Variants in NELL1 observed in about 807,000 individuals in gnomAD.
The protein encoded by NELL1 is protein kinase C-binding protein NELL1.
In NELL1, 76 loss-of-function variants were observed where a neutral mutation model predicts 107.4. That is an observed-to-expected ratio of 0.71 (90% confidence interval 0.59 to 0.86). The LOEUF (loss-of-function observed/expected upper bound fraction) is 0.86, where lower values mean the gene tolerates loss of function less well. Ranked by LOEUF, NELL1 falls within the 40% of genes least tolerant of loss-of-function variation. The pLI is 0.00. For synonymous variants in NELL1, 353 were observed against 341.2 expected (o/e 1.03, Z -0.38); for missense variants, 1,024 against 1,005.5 (o/e 1.02, Z -0.25).
intron 4 of NELL1, among the ~76,000 whole-genome samples, chr11:20,864,446 G>A (rs538730775): frequency 2.0e-5 from 3 of 152,230 alleles, no homozygotes; most frequent in Admixed American, 6.5e-5. Flanking sequence ...TCCTTTGACC[G>A]ACATCTCCTT....
intron 13 of NELL1, among the ~76,000 whole-genome samples, chr11:21,158,825 T>C (rs929071033): frequency 6.6e-6 from 1 of 152,166 alleles, no homozygotes; most frequent in Non-Finnish European, 1.5e-5. Context: ...AAATCTTACC[T>C]TTCTGTTATT....
At chr11:20,977,871 A>C (rs970575458) in intron 12 of NELL1, among the ~76,000 whole-genome samples, 2 of 152,162 alleles carry the variant, frequency 1.3e-5, no homozygotes, top group African/African-American at 4.8e-5. Context: ...AGTACCTTAC[A>C]TGGTTTTTGC....
chr11:21,534,250 T>A, intron 15 of NELL1, 124 bp from the exon 16 acceptor site: 2 of 1,070,044 alleles, frequency 1.9e-6, no homozygotes, highest in African/African-American at 1.6e-5. Context: ...CCAGTGACTT[T>A]CATTGTAGGT....
intron 14 of NELL1, among the ~76,000 whole-genome samples, chr11:21,303,684 A>G (rs1849546624): frequency 6.6e-6 from 1 of 152,122 alleles, no homozygotes; most frequent in African/African-American, 2.4e-5. Context: ...AAAGAAATCA[A>G]TATACCAAAA....
chr11:20,872,459 G>T (rs1015216563), intron 4 of NELL1, among the ~76,000 whole-genome samples: 32 of 152,164 alleles, frequency 2.1e-4, no homozygotes, highest in African/African-American at 7.7e-4. Flanking sequence ...GGGCTTACAG[G>T]TATGAGCCAC....
At chr11:21,441,373 GTGTGTGTGTT>G (rs1468032586) in intron 15 of NELL1, among the ~76,000 whole-genome samples, 2 of 125,850 alleles carry the variant, frequency 1.6e-5, no homozygotes, top group Non-Finnish European at 3.4e-5. Context: ...GTGTGTGTGT[GTGTGTGTGTT>G]CTATGATATG....
At chr11:20,803,530 C>T (rs1019257201) in intron 3 of NELL1, among the ~76,000 whole-genome samples, 6 of 150,796 alleles carry the variant, frequency 4.0e-5, no homozygotes, top group Non-Finnish European at 5.9e-5. Flanking sequence ...ATTGTTTCTT[C>T]GTTTCAATTT....
chr11:21,286,950 C>T (rs1849134986), intron 14 of NELL1, among the ~76,000 whole-genome samples: 2 of 152,106 alleles, frequency 1.3e-5, no homozygotes, highest in Non-Finnish European at 2.9e-5. Flanking sequence ...GATAACTGTA[C>T]CTGCCTTATA....
At chr11:21,020,830 C>G (rs768766867) in intron 12 of NELL1, among the ~76,000 whole-genome samples, 17 of 151,944 alleles carry the variant, frequency 1.1e-4, no homozygotes, top group Non-Finnish European at 2.4e-4. Context: ...AGAGACACCA[C>G]TGTAGGAAGC....
At chr11:20,811,201 G>T (rs559015779) in intron 3 of NELL1, among the ~76,000 whole-genome samples, 3 of 152,196 alleles carry the variant, frequency 2.0e-5, no homozygotes, top group South Asian at 4.1e-4. Context: ...TTATTATTTT[G>T]CATTTGGGTA....
intron 15 of NELL1, among the ~76,000 whole-genome samples, chr11:21,372,007 T>G (rs1851367775): frequency 6.6e-6 from 1 of 152,162 alleles, no homozygotes; most frequent in South Asian, 2.1e-4. Context: ...TGCCAAAAGG[T>G]AACTAAAATT....
At chr11:20,892,153 A>G (rs1025332980) in intron 5 of NELL1, among the ~76,000 whole-genome samples, 19 of 152,356 alleles carry the variant, frequency 1.2e-4, no homozygotes, top group Admixed American at 9.1e-4. Context: ...AACTGAAATC[A>G]TAACAAACCG....
intron 13 of NELL1, among the ~76,000 whole-genome samples, chr11:21,137,917 C>G (rs534841721): frequency 9.9e-5 from 15 of 152,276 alleles, no homozygotes; most frequent in African/African-American, 3.6e-4. Flanking sequence ...ATGTCTTTCT[C>G]CATCTTTCAG....
At chr11:20,829,955 C>T (rs1330107627) in intron 3 of NELL1, among the ~76,000 whole-genome samples, 1 of 152,024 alleles carries the variant, frequency 6.6e-6, no homozygotes, top group Non-Finnish European at 1.5e-5. Context: ...TCTTATTTTT[C>T]ATTTTGTAAT....
intron 13 of NELL1, among the ~76,000 whole-genome samples, chr11:21,197,009 C>T (rs909665707): frequency 4.6e-5 from 7 of 150,898 alleles, no homozygotes; most frequent in Non-Finnish European, 8.9e-5. Context: ...GTAGCTGGGA[C>T]TACAGGCACC....
At chr11:20,877,690 G>A (rs1849331964) in intron 4 of NELL1, among the ~76,000 whole-genome samples, 1 of 152,174 alleles carries the variant, frequency 6.6e-6, no homozygotes. Flanking sequence ...ACTTTGACAA[G>A]GAGTGTGGCA....
At chr11:21,211,896 G>A (rs1235493773) in intron 13 of NELL1, among the ~76,000 whole-genome samples, 1 of 152,078 alleles carries the variant, frequency 6.6e-6, no homozygotes, top group East Asian at 1.9e-4. Context: ...TGTGATCCCA[G>A]CTCACTACAA....
intron 5 of NELL1, 108 bp from the exon 6 acceptor site, chr11:20,918,074 C>T (rs1194100649): frequency 4.1e-6 from 3 of 728,856 alleles, no homozygotes; most frequent in Non-Finnish European, 7.5e-6. Flanking sequence ...TTGAATGAAT[C>T]AATTTTGTTG....
chr11:20,694,918 C>T (rs995031127), intron 2 of NELL1, among the ~76,000 whole-genome samples: 1 of 151,936 alleles, frequency 6.6e-6, no homozygotes, highest in African/African-American at 2.4e-5. Context: ...TTCTTCTAAT[C>T]CATGAACATG....
Sources: allele counts gnomAD v4.1 joint callset (sites outside exome capture counted in the v4.1 genomes callset), GRCh38; gene constraint gnomAD v4.1.1; transcripts MANE v1.5; gene names NCBI Gene and HGNC (gene_info 2026-07-23, HGNC 2026-07-21).